Variants in RAB11FIP1 observed in about 807,000 individuals in gnomAD.
The protein encoded by RAB11FIP1 is rab11 family-interacting protein 1.
In RAB11FIP1, 49 loss-of-function variants were observed where a neutral mutation model predicts 83.1. That is an observed-to-expected ratio of 0.59 (90% CI 0.47 to 0.75). The LOEUF is 0.75. Ranked by LOEUF, RAB11FIP1 falls within the 30% of genes least tolerant of loss-of-function variation. The pLI is 0.00. For missense variants in RAB11FIP1, 1,536 were observed against 1,598.7 expected (o/e 0.96, Z 0.67); for synonymous variants, 670 against 656.0 (o/e 1.02, Z -0.33).
At chr8:37,884,934 C>T (rs1806798545) in intron 1 of RAB11FIP1, among the ~76,000 whole-genome samples, 1 of 151,724 alleles carries the variant, frequency 6.6e-6, no homozygotes, top group Admixed American at 6.6e-5. Context: ...CCTCTCACCT[C>T]AGTCTCTCAT....
chr8:37,871,528 C>T lies in RAB11FIP1; in HGVS notation c.3274G>A (p.Asp1092Asn). The T allele has an allele frequency of 6.2e-7, 1 of 1,606,430 alleles. No homozygotes were observed. Among genetic ancestry groups the T allele is most frequent in the Non-Finnish European group, 8.5e-7 (1 of 1,175,310 alleles). The change falls in exon 4 of 6, where the codon GAC becomes AAC. Residue 1092 changes from aspartate (D) to asparagine (N), a missense_variant. By Grantham distance (23) the Asp-to-Asn change is conservative (BLOSUM62 1). Transcript: ENST00000330843. ...GGGGAGGGGCTGGGTACAGGATTGT[C>T]CAGGGATGTGCCAGGAGGCGGGCTT... ...SPSPPPGTSL[D>N]NPVPSPSPSE...
chr8:37,896,772 G>A (rs554075714), intron 1 of RAB11FIP1, among the ~76,000 whole-genome samples: 1 of 152,288 alleles, frequency 6.6e-6, no homozygotes, highest in African/African-American at 2.4e-5. Context: ...CATCAATTAA[G>A]TCTGGCAACA....
At position 37,877,472 on chromosome 8, in the gene RAB11FIP1, T is replaced by G. The variant is rs202070173; in HGVS notation, c.451A>C (p.Asn151His). 1.3e-4 allele frequency: 204 copies of G among 1,613,714 alleles called. 4 individuals are homozygous for G. The South Asian group carries it at 2.1e-3, about 17-fold the overall frequency. ...EIEVDIQFMR[N>H]NMTASMFDLS... ...TCAAACATGCTGGCAGTCATGTTGT[T>G]TCTCATAAACTGGATGTCAACCTCA... is the stretch of plus-strand genomic sequence containing the variant. Residue 151 changes from asparagine to histidine, a missense_variant, in exon 2 of 6, where the codon AAC (asparagine) becomes CAC (histidine). Physicochemically the swap from Asn to His is moderately conservative, Grantham distance 68. Transcript: ENST00000330843.
At chr8:37,863,764 T>C (rs1806288294) in intron 5 of RAB11FIP1, among the ~76,000 whole-genome samples, 1 of 152,168 alleles carries the variant, frequency 6.6e-6, no homozygotes, top group Non-Finnish European at 1.5e-5. Flanking sequence ...CGAGGACCTC[T>C]GGACTTGACT....
chr8:37,871,275 C>T lies in RAB11FIP1; in HGVS notation c.3524+3G>A. ...TACATAGACAATCTCCCCCATCTCT[C>T]ACCTGTGCTTGGCTGACCCAGTTCC... On this transcript the variant is annotated splice_donor_region_variant and intron_variant, in intron 4 of 5. Transcript: ENST00000330843. The T allele has an allele frequency of 6.2e-7, 1 of 1,600,656 alleles. No homozygotes were observed.
chr8:37,873,329 G>A lies in RAB11FIP1; in HGVS notation c.1623-150C>T. On this transcript the variant is annotated intron_variant, in intron 3 of 5. Coordinates refer to ENST00000330843, the MANE Select transcript of RAB11FIP1 (RefSeq NM_001002814.3). ...AAGTTAAAAAAGGAACGCTAGCCGG[G>A]CGCGGTGGCTCACGCCTGTAATCCC... The A allele has an allele frequency of 4.7e-6, 4 of 853,446 alleles. No individual in the cohort carries two copies. The South Asian group carries it at 7.7e-5, about 16-fold the overall frequency. The allele number at this position is 853,446 out of a possible 1,614,324, so 52.9% of individuals were successfully genotyped here. A position where few individuals can be genotyped will look rare whatever the true frequency, so the allele number is the denominator to read the frequency against.
rs1277829399 is a variant in RAB11FIP1 at position 37,879,186 on chromosome 8, T to C, written c.372-1635A>G. On this transcript the variant is annotated intron_variant, in intron 1 of 5. Transcript: ENST00000330843. Reference sequence around the variant, plus strand: ...AGCCGGGCATCATGGCGAGCACCTGTAATCCCAGCTATGCAGGAGGTTGAA... The same window carrying C: ...AGCCGGGCATCATGGCGAGCACCTGCAATCCCAGCTATGCAGGAGGTTGAA... Among the ~76,000 whole-genome samples, 4 of 152,106 alleles carry C rather than the reference T, an allele frequency of 2.6e-5. No individual in the cohort carries two copies. The East Asian group carries it at 7.8e-4, about 30-fold the overall frequency.
chr8:37,883,037 A>G (rs1806758293), intron 1 of RAB11FIP1, among the ~76,000 whole-genome samples: 1 of 152,208 alleles, frequency 6.6e-6, no homozygotes, highest in African/African-American at 2.4e-5. Flanking sequence ...CCACGGGGCT[A>G]TTGAAGGATA....
rs1366762982 is a variant in RAB11FIP1 at position 37,861,556 on chromosome 8, T to C, written c.*1339A>G. 6.8e-6 allele frequency: 3 copies of C among 442,038 alleles called. No homozygotes were observed. The highest frequency in any genetic ancestry group is 1.3e-5 in the Non-Finnish European group (3 of 223,686). 27.4% of individuals were successfully genotyped at this position (442,038 alleles called of 1,614,324 possible). On this transcript the variant is annotated 3_prime_UTR_variant, in exon 6 of 6. Coordinates refer to ENST00000330843, the MANE Select transcript of RAB11FIP1 (RefSeq NM_001002814.3). ...AGTGAAGGGGCTTCTTTTTTTCTTT[T>C]TAGTTTTTTTTAAGACAGAGTCTTA...
At chr8:37,867,607 T>C (rs1806366566) in intron 5 of RAB11FIP1, among the ~76,000 whole-genome samples, 1 of 151,988 alleles carries the variant, frequency 6.6e-6, no homozygotes. Context: ...CCTGGGAGGC[T>C]GAGGCATAAG....
At chr8:37,886,578 C>T (rs1319039146) in intron 1 of RAB11FIP1, among the ~76,000 whole-genome samples, 1 of 152,176 alleles carries the variant, frequency 6.6e-6, no homozygotes, top group African/African-American at 2.4e-5. Flanking sequence ...TGAGGACTGC[C>T]TACTTCCTTG....
At chr8:37,870,134 T>G (rs1195146878) in intron 5 of RAB11FIP1, among the ~76,000 whole-genome samples, 1 of 151,550 alleles carries the variant, frequency 6.6e-6, no homozygotes, top group Non-Finnish European at 1.5e-5. Flanking sequence ...CCATCTCTAT[T>G]AAGAAGGAAA....
Position 37,872,411 on chromosome 8 carries a change from G to C in RAB11FIP1, c.2391C>G (p.Asn797Lys). 5 of 1,614,158 alleles carry C rather than the reference G, an allele frequency of 3.1e-6. No homozygotes were observed. Among genetic ancestry groups the C allele is most frequent in the Non-Finnish European group, 3.4e-6 (4 of 1,180,020 alleles). ...TGGTTTTCTTCTGGTCCTTGCGGAG[G>C]TTCAGACCCATCTCTTCCAGCTTCC... ...MMRKLEEMGL[N>K]LRKDQKKTKK... is the part of the protein sequence containing the mutation. The change falls in exon 4 of 6, where the codon AAC (asparagine) becomes AAG (lysine). Residue 797 changes from asparagine (N) to lysine (K), a missense_variant. Coordinates refer to ENST00000330843, the MANE Select transcript of RAB11FIP1 (RefSeq NM_001002814.3).
chr8:37,876,911 G>T (rs1488026231), intron 2 of RAB11FIP1, among the ~76,000 whole-genome samples, 198 bp downstream of exon 2: 1 of 152,118 alleles, frequency 6.6e-6, no homozygotes, highest in African/African-American at 2.4e-5. Context: ...AAAGTGCTGG[G>T]ATTACAGGCG....
intron 1 of RAB11FIP1, among the ~76,000 whole-genome samples, chr8:37,894,844 G>T (rs542714787): frequency 1.3e-5 from 2 of 150,454 alleles, no homozygotes; most frequent in East Asian, 3.9e-4. Flanking sequence ...CCACCTCCTG[G>T]GTTCAAGCAT....
chr8:37,865,722 T>C (rs1806329382), intron 5 of RAB11FIP1, among the ~76,000 whole-genome samples: 1 of 152,262 alleles, frequency 6.6e-6, no homozygotes, highest in African/African-American at 2.4e-5. Flanking sequence ...ATCATAACAT[T>C]TTAGCAAAAC....
Position 37,871,555 on chromosome 8 carries a change from G to A in RAB11FIP1, c.3247C>T (p.Pro1083Ser). ...AGGGATGTGCCAGGAGGCGGGCTTG[G>A]ACTCCCATTTCCCATCGGTTTTTCT... ...EEEKPMGNGS[P>S]SPPPGTSLDN... The change falls in exon 4 of 6, where the codon CCA becomes TCA. Residue 1083 changes from proline (P) to serine (S), a missense_variant. Physicochemically the swap from Pro to Ser is moderately conservative, Grantham distance 74. Coordinates refer to ENST00000330843, the MANE Select transcript of RAB11FIP1 (RefSeq NM_001002814.3). The A allele has an allele frequency of 6.2e-7, 1 of 1,600,582 alleles. No individual in the cohort carries two copies. The highest frequency in any genetic ancestry group is 8.5e-7 in the Non-Finnish European group (1 of 1,171,604).
chr8:37,871,846 C>T lies in RAB11FIP1; in HGVS notation c.2956G>A (p.Gly986Arg), dbSNP rs2130140184. ...EDDGDQVEDD[G>R]ETAKSSTLDI... The stretch of plus-strand genomic sequence containing the variant: ...AGAGTTGACGACTTTGCTGTCTCTC[C>T]ATCATCTTCAACCTGATCTCCGTCA... The change falls in exon 4 of 6, where the codon GGA (glycine) becomes AGA (arginine). Residue 986 changes from glycine to arginine, a missense_variant. Gly to Arg is a moderately radical substitution (Grantham distance 125, BLOSUM62 -2). Coordinates refer to ENST00000330843, the MANE Select transcript of RAB11FIP1 (RefSeq NM_001002814.3). 1 of 1,614,218 alleles carries T rather than the reference C, an allele frequency of 6.2e-7. No individual in the cohort carries two copies. The highest frequency in any genetic ancestry group is 2.2e-5 in the East Asian group (1 of 44,882).
Position 37,873,114 on chromosome 8 carries a change from G to A in RAB11FIP1, c.1688C>T (p.Ser563Phe), listed in dbSNP as rs944117452. The A allele has an allele frequency of 3.7e-6, 6 of 1,612,900 alleles. No homozygotes were observed. Among genetic ancestry groups the A allele is most frequent in the Non-Finnish European group, 5.1e-6 (6 of 1,179,764 alleles). The stretch of plus-strand genomic sequence containing the variant: ...AGAGCTAGAAGGAAGAGGAGGAAGA[G>A]AGGAAGGGGAGTCAGTAGGGGAAGG... ...RLPSPTDSPS[S>F]LPPLPSSSGQ... The change falls in exon 4 of 6, where the codon TCT (serine) becomes TTT (phenylalanine). Residue 563 changes from serine to phenylalanine, a missense_variant. By Grantham distance (155) the Ser-to-Phe change is radical (BLOSUM62 -2). Coordinates refer to ENST00000330843, the MANE Select transcript of RAB11FIP1 (RefSeq NM_001002814.3).
Sources: gnomAD v4.1 joint callset for allele counts (sites outside exome capture counted in the v4.1 genomes callset) on GRCh38, gnomAD v4.1.1 for gene constraint, MANE v1.5 for transcripts, NCBI Gene and HGNC (gene_info 2026-07-23, HGNC 2026-07-21) for gene names.